TRPM5: variants seen among roughly 807,000 people sequenced by gnomAD.
The protein encoded by TRPM5 is transient receptor potential cation channel subfamily M member 5.
In TRPM5, 121 loss-of-function variants were observed where a neutral mutation model predicts 124.9. That is an observed-to-expected ratio of 0.97 (90% CI 0.84 to 1.13). TRPM5 has a LOEUF of 1.13. Among genes scored for constraint, TRPM5 ranks in the 50% most tolerant of loss-of-function variants. The pLI, the probability that TRPM5 is intolerant of heterozygous loss-of-function variation, is 0.00. For synonymous variants in TRPM5, 781 were observed against 700.5 expected (o/e 1.11, Z -1.81); for missense variants, 1,643 against 1,589.1 (o/e 1.03, Z -0.58).
At chr11:2,414,796 G>A in exon 11 of TRPM5, 1 of 1,579,148 alleles carries the variant, frequency 6.3e-7, no homozygotes, top group Non-Finnish European at 8.6e-7. Context: ...ATCTCTTTGA[G>A]GATTTTGCAG....
At position 2,413,456 on chromosome 11, in the gene TRPM5, A is replaced by G; in HGVS notation, c.2003+20T>C. 6.3e-7 allele frequency: 1 copy of G among 1,592,402 alleles called. No individual in the cohort carries two copies. Among genetic ancestry groups the G allele is most frequent in the Middle Eastern group, 1.7e-4 (1 of 5,980 alleles). ...GCACTGCTGCCTGTCCTGGCCGGGC[A>G]GCTCACAGGCCTCACCCACCTGAAG... On this transcript the variant is annotated intron_variant, in intron 13 of 23. Coordinates refer to ENST00000155858, the Ensembl canonical transcript of TRPM5.
chr11:2,444,097 G>A, the TRPM5 span, among the ~76,000 whole-genome samples: 1 of 151,192 alleles, frequency 6.6e-6, no homozygotes, highest in Non-Finnish European at 1.5e-5. Context: ...CGGCTGTGCC[G>A]CCCCCACCCC....
the TRPM5 span, among the ~76,000 whole-genome samples, chr11:2,438,650 G>A: frequency 1.3e-5 from 2 of 152,114 alleles, no homozygotes; most frequent in Non-Finnish European, 2.9e-5. The surrounding 1 kb of genome is among the most constrained non-coding windows in gnomAD (Gnocchi z 5.9). Context: ...CTGGGTGACA[G>A]AGTGAGACCC....
chr11:2,418,163 A>C lies in TRPM5; in HGVS notation c.906+4T>G. On this transcript the variant is annotated splice_donor_region_variant and intron_variant, in intron 6 of 23. Coordinates refer to ENST00000155858, the Ensembl canonical transcript of TRPM5. ...GGGAGGACAGGGGAGGGGGCAGCAC[A>C]TACCAGCTTGGTCCAGCGCACGATG... 1 of 1,558,324 alleles carries C rather than the reference A, an allele frequency of 6.4e-7. No homozygotes were observed. Among genetic ancestry groups the C allele is most frequent in the Middle Eastern group, 1.7e-4 (1 of 5,960 alleles).
chr11:2,412,934 C>G (rs1388766101), exon 15 of TRPM5: 1 of 1,601,874 alleles, frequency 6.2e-7, no homozygotes. Context: ...CCCAGAATTT[C>G]CGCCAGCGTG....
the TRPM5 span, among the ~76,000 whole-genome samples, chr11:2,430,669 T>G: frequency 6.6e-6 from 1 of 151,736 alleles, no homozygotes; most frequent in East Asian, 1.9e-4. Context: ...GTGTTGATGG[T>G]GGTGGTGGTT....
the TRPM5 span, among the ~76,000 whole-genome samples, chr11:2,441,028 G>A: frequency 1.4e-4 from 21 of 152,342 alleles, no homozygotes; most frequent in African/African-American, 4.8e-4. This position sits in a 1 kb window ranked among gnomAD's most constrained non-coding sequence, Gnocchi z 7.2. Context: ...AAACAGCCCT[G>A]GAAGGTTGGT....
chr11:2,443,679 CTCAGGGACGACCTGGAAGTG>C, the TRPM5 span, among the ~76,000 whole-genome samples: 15 of 148,918 alleles, frequency 1.0e-4, 1 homozygote, highest in South Asian at 3.1e-3. This position sits in a 1 kb window ranked among gnomAD's most constrained non-coding sequence, Gnocchi z 5.0. Flanking sequence ...ACCCAGGGTG[CTCAGGGACGACCTGGAAGTG>C]TCACATGAGT....
upstream of TRPM5, among the ~76,000 whole-genome samples, chr11:2,427,231 C>T (rs1192657052): frequency 6.6e-6 from 1 of 152,238 alleles, no homozygotes; most frequent in Non-Finnish European, 1.5e-5. Flanking sequence ...CCACTCCTCT[C>T]ATGCCCACCT....
At position 2,413,908 on chromosome 11, in the gene TRPM5, G is replaced by A. The variant is rs182378097; in HGVS notation, c.1890+153C>T. Among the ~76,000 whole-genome samples, 502 of 152,278 alleles carry A rather than the reference G, an allele frequency of 3.3e-3. 5 individuals are homozygous for A. Among genetic ancestry groups the A allele is most frequent in the African/African-American group, 0.011 (466 of 41,550 alleles). On this transcript the variant is annotated intron_variant, in intron 12 of 23. Coordinates refer to ENST00000155858, the Ensembl canonical transcript of TRPM5. ...GCCTGGTGGAGGAAGCCAGGTGGGC[G>A]CCTTCCAGGAACAGAAGCCCCACCC...
chr11:2,409,348 C>T (rs185800884), intron 18 of TRPM5, among the ~76,000 whole-genome samples: 10 of 152,052 alleles, frequency 6.6e-5, no homozygotes, highest in Admixed American at 3.3e-4. Flanking sequence ...TTTGTGAAGC[C>T]GTAAATCTGT....
chr11:2,438,780 T>C, the TRPM5 span, among the ~76,000 whole-genome samples: 1 of 152,230 alleles, frequency 6.6e-6, no homozygotes, highest in Non-Finnish European at 1.5e-5. This position sits in a 1 kb window ranked among gnomAD's most constrained non-coding sequence, Gnocchi z 5.9. Context: ...TTAAGCGCTA[T>C]TCCTATTAAA....
intron 12 of TRPM5, 128 bp downstream of exon 17, chr11:2,413,933 C>T (rs1850509063): frequency 3.0e-6 from 4 of 1,324,750 alleles, no homozygotes; most frequent in Non-Finnish European, 3.1e-6. Context: ...AAGCCCCACC[C>T]CGCCCCCTCT....
intron 3 of TRPM5, among the ~76,000 whole-genome samples, chr11:2,420,815 G>C (rs994129716): frequency 6.6e-6 from 1 of 152,216 alleles, no homozygotes; most frequent in Non-Finnish European, 1.5e-5. Context: ...GCCTGGGCCC[G>C]TGTGGTACAG....
At position 2,409,709 on chromosome 11, in the gene TRPM5, G is replaced by A. The variant is rs562103035; in HGVS notation, c.2782+1643C>T. Among the ~76,000 whole-genome samples, 11 of 152,246 alleles carry A rather than the reference G, an allele frequency of 7.2e-5. No individual in the cohort carries two copies. The East Asian group carries it at 7.7e-4, about 11-fold the overall frequency. On this transcript the variant is annotated intron_variant, in intron 18 of 23. Coordinates refer to ENST00000155858, the Ensembl canonical transcript of TRPM5. ...ACCTGAAGGGCCCAGATACTTGCTC[G>A]GCAGCTGAACGGAGCCCAAGGAATT...
At chr11:2,427,623 G>A (rs369368649), upstream of TRPM5, among the ~76,000 whole-genome samples, 1 of 152,258 alleles carries the variant, frequency 6.6e-6, no homozygotes, top group South Asian at 2.1e-4. Flanking sequence ...AAGGCCCTGG[G>A]GGCATGTCCG....
chr11:2,421,054 C>T (rs999155207), exon 3 of TRPM5: 9 of 1,545,804 alleles, frequency 5.8e-6, no homozygotes, highest in African/African-American at 5.5e-5. Context: ...CAGAATGCGG[C>T]GGTGCAGGAC....
chr11:2,437,406 G>A, the TRPM5 span, among the ~76,000 whole-genome samples: 2 of 152,122 alleles, frequency 1.3e-5, no homozygotes, highest in African/African-American at 2.4e-5. The surrounding 1 kb of genome is among the most constrained non-coding windows in gnomAD (Gnocchi z 5.6). Context: ...GCTTCTGGGT[G>A]GGGGGTGCCT....
rs775895040 is a variant in TRPM5 at position 2,414,162 on chromosome 11, C to T, written c.1789G>A (p.Ala597Thr). Residue 597 changes from alanine (A) to threonine (T), a missense_variant, in exon 12 of 24, where the codon GCC becomes ACC. By Grantham distance (58) the Ala-to-Thr change is moderately conservative (BLOSUM62 0). Transcript: ENST00000155858. ...CAGCGGTTCCGGCGCACCAGCAGGGCGAAGGCGCGGGCCTCACTGTTGCTG... is the reference window on the plus strand; with the variant it reads ...CAGCGGTTCCGGCGCACCAGCAGGGTGAAGGCGCGGGCCTCACTGTTGCTG... 6.4e-5 allele frequency: 103 copies of T among 1,609,478 alleles called. No homozygotes were observed. Among genetic ancestry groups the T allele is most frequent in the African/African-American group, 9.3e-5 (7 of 74,876 alleles).
Sources: gnomAD v4.1 joint callset for allele counts (sites outside exome capture counted in the v4.1 genomes callset) on GRCh38, gnomAD v4.1.1 for gene constraint, Gnocchi (gnomAD v3.1) non-coding constraint, MANE v1.5 for transcripts, NCBI Gene and HGNC (gene_info 2026-07-23, HGNC 2026-07-21) for gene names.